The following SUCLA2 variants were observed in gnomAD, a reference collection of about 807,000 sequenced individuals.
SUCLA2 encodes the protein succinate-CoA ligase ADP-forming subunit beta.
In SUCLA2, 30 loss-of-function variants were observed where a neutral mutation model predicts 54.8. That is an observed-to-expected ratio of 0.55 (90% CI 0.41 to 0.74). SUCLA2 has a LOEUF of 0.74. Among genes scored for constraint, SUCLA2 ranks in the 30% least tolerant of loss-of-function variants. The probability of loss-of-function intolerance (pLI) is 0.00; values close to 1 mark genes in which losing one functional copy is unlikely to be tolerated. For missense variants in SUCLA2, 476 were observed against 562.9 expected, an observed-to-expected ratio of 0.85 and a Z score of 1.56; for synonymous variants, 172 against 188.9, an observed-to-expected ratio of 0.91 and a Z score of 0.74.
chr13:47,968,982 T>C (rs1949940401), intron 5 of SUCLA2, among the ~76,000 whole-genome samples: 2 of 152,222 alleles, frequency 1.3e-5, no homozygotes, highest in Admixed American at 6.5e-5. Flanking sequence ...TAACTTGCCA[T>C]TCATTGGCCT....
chr13:47,966,841 C>T (rs369700046), intron 6 of SUCLA2, among the ~76,000 whole-genome samples: 1 of 151,708 alleles, frequency 6.6e-6, no homozygotes, highest in Non-Finnish European at 1.5e-5. Flanking sequence ...ATTGAGGGCC[C>T]GTCTCTACAA....
chr13:47,995,180 C>T (rs758544221), intron 2 of SUCLA2, among the ~76,000 whole-genome samples: 5 of 151,996 alleles, frequency 3.3e-5, no homozygotes, highest in African/African-American at 1.2e-4. Flanking sequence ...CATAGTGACC[C>T]TATCTCTAAA....
chr13:47,989,323 G>A (rs577391005), intron 2 of SUCLA2, among the ~76,000 whole-genome samples: 2 of 151,218 alleles, frequency 1.3e-5, no homozygotes, highest in South Asian at 4.2e-4. Context: ...CCATTCTCCT[G>A]CCTCAGCCTC....
chr13:47,971,582 A>G, intron 5 of SUCLA2: 1 of 264,032 alleles, frequency 3.8e-6, no homozygotes, highest in Non-Finnish European at 6.8e-6. Flanking sequence ...GAGGGGAAGC[A>G]GCACACAAGG....
intron 10 of SUCLA2, among the ~76,000 whole-genome samples, chr13:47,948,371 G>C (rs1949750927): frequency 6.6e-6 from 1 of 151,574 alleles, no homozygotes; most frequent in Non-Finnish European, 1.5e-5. Flanking sequence ...GTGCATGTGT[G>C]TGTGCGTGCA....
intron 8 of SUCLA2, among the ~76,000 whole-genome samples, chr13:47,951,093 T>C (rs2137690117): frequency 6.6e-6 from 1 of 152,184 alleles, no homozygotes; most frequent in East Asian, 1.9e-4. Context: ...GCCTTAAAGT[T>C]CTTGGATCTT....
intron 2 of SUCLA2, among the ~76,000 whole-genome samples, chr13:47,996,114 G>T (rs1950188384): frequency 6.6e-6 from 1 of 152,036 alleles, no homozygotes; most frequent in Non-Finnish European, 1.5e-5. Flanking sequence ...ACGAGGTCAG[G>T]AGTTCAAGAC....
chr13:47,957,941 T>C (rs908003663), intron 6 of SUCLA2, among the ~76,000 whole-genome samples: 5 of 152,174 alleles, frequency 3.3e-5, no homozygotes, highest in African/African-American at 4.8e-5. Flanking sequence ...GTTTGGGTGA[T>C]TGTGTTTCAT....
At chr13:47,952,385 G>T (rs1207519407) in intron 8 of SUCLA2, among the ~76,000 whole-genome samples, 1 of 151,958 alleles carries the variant, frequency 6.6e-6, no homozygotes, top group Non-Finnish European at 1.5e-5. Flanking sequence ...CAACTCCTAA[G>T]ACTTCAACTT....
At chr13:47,968,441 A>G (rs1482831892) in intron 6 of SUCLA2, among the ~76,000 whole-genome samples, 154 bp downstream of exon 6, 2 of 152,150 alleles carry the variant, frequency 1.3e-5, no homozygotes, top group Non-Finnish European at 2.9e-5. Context: ...AATGGGTTTA[A>G]TATTTGTTCA....
At chr13:47,987,513 G>T (rs1326077895) in intron 4 of SUCLA2, 1 of 151,940 alleles carries the variant, frequency 6.6e-6, no homozygotes, top group East Asian at 1.9e-4. Flanking sequence ...CTATCACATA[G>T]AATATCACTT....
chr13:47,960,121 G>T (rs1032295291), intron 6 of SUCLA2, among the ~76,000 whole-genome samples: 1 of 152,078 alleles, frequency 6.6e-6, no homozygotes, highest in Non-Finnish European at 1.5e-5. Context: ...ACTGAGTAGG[G>T]GAAAGATTGA....
chr13:47,944,769 C>T (rs908707398), intron 10 of SUCLA2, among the ~76,000 whole-genome samples: 6 of 152,060 alleles, frequency 3.9e-5, no homozygotes, highest in African/African-American at 1.4e-4. Context: ...AAGTACTTTC[C>T]CAAAGAAGGA....
intron 10 of SUCLA2, among the ~76,000 whole-genome samples, chr13:47,944,140 C>T (rs995156221): frequency 1.3e-5 from 2 of 152,020 alleles, no homozygotes; most frequent in African/African-American, 4.8e-5. Flanking sequence ...CTGCAAATCC[C>T]CCCTCTGATG....
At chr13:47,987,950 A>G (rs560109147) in intron 4 of SUCLA2, 1 of 152,214 alleles carries the variant, frequency 6.6e-6, no homozygotes, top group Admixed American at 6.6e-5. Context: ...CTATAAAGGG[A>G]TTTTCTCTTC....
chr13:47,955,523 T>C (rs1949813523), intron 6 of SUCLA2, among the ~76,000 whole-genome samples: 1 of 152,126 alleles, frequency 6.6e-6, no homozygotes, highest in Non-Finnish European at 1.5e-5. Flanking sequence ...TCAAATGGCC[T>C]GTAAGCTAAG....
chr13:47,999,649 G>T (rs1281345151), intron 1 of SUCLA2, among the ~76,000 whole-genome samples: 4 of 151,490 alleles, frequency 2.6e-5, no homozygotes, highest in Non-Finnish European at 4.4e-5. Context: ...GGAGCTTGCA[G>T]TGAGCCAAGA....
At chr13:47,954,583 A>C (rs1163960139) in intron 6 of SUCLA2, 26 bp from the exon 7 acceptor site, 1 of 1,611,398 alleles carries the variant, frequency 6.2e-7, no homozygotes, top group South Asian at 1.1e-5. Context: ...GAGAAAAATG[A>C]CCTTAATTTC....
intron 4 of SUCLA2, among the ~76,000 whole-genome samples, chr13:47,976,372 C>T (rs1311033592): frequency 6.6e-6 from 1 of 152,190 alleles, no homozygotes; most frequent in Non-Finnish European, 1.5e-5. Context: ...ATCCTTCCCC[C>T]CACCACTCCA....
Sources: allele counts gnomAD v4.1 joint callset (sites outside exome capture counted in the v4.1 genomes callset), GRCh38; gene constraint gnomAD v4.1.1; transcripts MANE v1.5; gene names NCBI Gene and HGNC (gene_info 2026-07-23, HGNC 2026-07-21).